Variants in DEK observed in about 807,000 individuals in gnomAD.
DEK encodes the protein protein DEK.
Under a neutral mutation model 46.8 loss-of-function variants are expected in DEK, and 28 were observed. The observed-to-expected ratio is 0.60, with a 90% CI of 0.44 to 0.82. The LOEUF is 0.82. Among genes scored for constraint, DEK ranks in the 40% least tolerant of loss-of-function variants. The pLI, the probability that DEK is intolerant of heterozygous loss-of-function variation, is 0.00. For missense variants in DEK, 416 were observed against 430.6 expected (o/e 0.97, Z 0.30); for synonymous variants, 160 against 144.5 (o/e 1.11, Z -0.77).
intron 2 of DEK, among the ~76,000 whole-genome samples, chr6:18,259,327 G>A (rs1356266799): frequency 2.9e-5 from 4 of 139,392 alleles, no homozygotes; most frequent in South Asian, 2.3e-4. Flanking sequence ...CCCAGGAGGC[G>A]GAGCTTGCAG....
At chr6:18,252,078 G>T (rs980576372) in intron 6 of DEK, among the ~76,000 whole-genome samples, 4 of 152,016 alleles carry the variant, frequency 2.6e-5, no homozygotes, top group African/African-American at 9.7e-5. Context: ...TCTCTTTTTG[G>T]AAACAAAATC....
intron 6 of DEK, among the ~76,000 whole-genome samples, chr6:18,253,092 T>C (rs1196559751): frequency 6.6e-6 from 1 of 151,872 alleles, no homozygotes; most frequent in Non-Finnish European, 1.5e-5. Context: ...TCCTTTTTCA[T>C]AGAACCCCAC....
chr6:18,229,653 T>C (rs1790316252), intron 9 of DEK, among the ~76,000 whole-genome samples: 1 of 151,966 alleles, frequency 6.6e-6, no homozygotes, highest in African/African-American at 2.4e-5. Flanking sequence ...ATGAATGAAA[T>C]GAAGCGAGAA....
chr6:18,227,794 G>A (rs1049683573), intron 9 of DEK, among the ~76,000 whole-genome samples: 2 of 152,182 alleles, frequency 1.3e-5, no homozygotes, highest in African/African-American at 4.8e-5. Flanking sequence ...AGTTCTTTAT[G>A]TTGGCAAGTC....
intron 7 of DEK, among the ~76,000 whole-genome samples, chr6:18,248,626 T>A (rs1431635577): frequency 2.0e-5 from 3 of 152,082 alleles, no homozygotes. Context: ...TTTATAAAAT[T>A]TGACGCTAAA....
chr6:18,240,721 T>C (rs111333782), intron 7 of DEK, among the ~76,000 whole-genome samples: 58 of 152,312 alleles, frequency 3.8e-4, no homozygotes, highest in African/African-American at 1.3e-3. Context: ...TTTAGGAGGC[T>C]GAGATGGGAG....
chr6:18,249,464 T>C (rs1791268733), intron 7 of DEK, among the ~76,000 whole-genome samples, 187 bp downstream of exon 7: 1 of 152,194 alleles, frequency 6.6e-6, no homozygotes, highest in African/African-American at 2.4e-5. Context: ...TTCTGACTCA[T>C]ACTCTGACAT....
chr6:18,233,824 G>T (rs1287899722), intron 9 of DEK, among the ~76,000 whole-genome samples: 4 of 152,154 alleles, frequency 2.6e-5, no homozygotes, highest in Admixed American at 6.5e-5. Context: ...AATACCATTT[G>T]ACCCAGCCAT....
chr6:18,234,279 GATATAT>G (rs34234830), intron 9 of DEK, among the ~76,000 whole-genome samples: 12 of 144,754 alleles, frequency 8.3e-5, no homozygotes, highest in Non-Finnish European at 1.2e-4. Context: ...ATGGCACATG[GATATAT>G]ATATATATAT....
chr6:18,226,132 C>G, intron 10 of DEK, 42 bp downstream of exon 10: 1 of 1,229,924 alleles, frequency 8.1e-7, no homozygotes, highest in East Asian at 3.0e-5. Context: ...TTACTTTTGT[C>G]TTATATTTCT....
intron 7 of DEK, among the ~76,000 whole-genome samples, chr6:18,248,990 T>C (rs377639020): frequency 3.5e-5 from 5 of 144,630 alleles, no homozygotes; most frequent in South Asian, 4.5e-4. Flanking sequence ...TTAACAATAA[T>C]AGAAACCCAT....
intron 6 of DEK, among the ~76,000 whole-genome samples, chr6:18,255,485 C>T (rs1791559117): frequency 6.6e-6 from 1 of 152,184 alleles, no homozygotes; most frequent in Non-Finnish European, 1.5e-5. Flanking sequence ...CTTTCTGTCC[C>T]TTCTGACATT....
intron 7 of DEK, among the ~76,000 whole-genome samples, chr6:18,244,168 GT>G (rs869305809): frequency 1.3e-5 from 2 of 151,984 alleles, no homozygotes; most frequent in African/African-American, 4.8e-5. Context: ...ATTAGGTTAA[GT>G]TTTTTTAAAA....
chr6:18,258,496 A>AC lies in DEK; in HGVS notation c.146-92dup, dbSNP rs760308143. 1,468 of 876,778 alleles carry AC rather than the reference A, an allele frequency of 1.7e-3. 2 individuals carry two copies. Among genetic ancestry groups the AC allele is most frequent in the Non-Finnish European group, 2.3e-3 (1,346 of 572,944 alleles). The allele number at this position is 876,778 out of a possible 1,614,324, so 54.3% of individuals were successfully genotyped here. A position where few individuals can be genotyped will look rare whatever the true frequency, so the allele number is the denominator to read the frequency against. ...ACACATGTAGAACAAAGTCCCCAAA[A>AC]CCTAATACTTTATTCTTCTTCTGAG... On this transcript the variant is annotated intron_variant, in intron 2 of 10. Transcript: ENST00000652689.
intron 9 of DEK, among the ~76,000 whole-genome samples, chr6:18,231,983 G>A (rs1473699036): frequency 2.6e-5 from 4 of 152,060 alleles, no homozygotes; most frequent in South Asian, 4.2e-4. Flanking sequence ...CTGGCAAACC[G>A]AATCCAGCAG....
At chr6:18,237,569 C>T in intron 7 of DEK, 53 bp from the exon 8 acceptor site, 1 of 1,543,550 alleles carries the variant, frequency 6.5e-7, no homozygotes, top group Non-Finnish European at 8.7e-7. Flanking sequence ...AATGCTATCC[C>T]ATCCCATCCC....
In DEK at chr6:18,249,668, T is replaced by C. The variant is rs773146547; in HGVS notation, c.745A>G (p.Lys249Glu). Residue 249 changes from lysine (K) to glutamate (E), a missense_variant, in exon 7 of 11, where the codon AAA (lysine) becomes GAA (glutamate). Transcript: ENST00000652689. ...NKEESSDDEDKESEEEPPKKT... is the reference protein window; with the variant it reads ...NKEESSDDEDEESEEEPPKKT... Reference sequence around the variant, plus strand: ...TATTTTACCTCCTCTTCACTTTCTTTATCTTCATCATCTGAAGACTCTTCC... The same window carrying C: ...TATTTTACCTCCTCTTCACTTTCTTCATCTTCATCATCTGAAGACTCTTCC... The C allele has an allele frequency of 2.5e-6, 4 of 1,583,852 alleles. No individual in the cohort carries two copies. Among genetic ancestry groups the C allele is most frequent in the Non-Finnish European group, 3.4e-6 (4 of 1,170,980 alleles).
At chr6:18,261,090 T>C (rs1223537877) in intron 2 of DEK, among the ~76,000 whole-genome samples, 9 of 151,770 alleles carry the variant, frequency 5.9e-5, no homozygotes, top group Non-Finnish European at 1.3e-4. Context: ...CTCTATTGGC[T>C]AGTGGAGCTG....
chr6:18,261,813 T>C (rs982753135), intron 2 of DEK, among the ~76,000 whole-genome samples: 3 of 152,188 alleles, frequency 2.0e-5, no homozygotes, highest in Admixed American at 6.5e-5. Context: ...GGGACTTCTG[T>C]GTTAATGCTG....
Sources: gnomAD v4.1 joint callset for allele counts (sites outside exome capture counted in the v4.1 genomes callset) on GRCh38, gnomAD v4.1.1 for gene constraint, MANE v1.5 for transcripts, NCBI Gene and HGNC (gene_info 2026-07-23, HGNC 2026-07-21) for gene names.